The following ADK variants were observed in gnomAD, a reference collection of about 807,000 sequenced individuals.
ADK encodes N6,N6-dimethyladenosine kinase.
In ADK, 24 loss-of-function variants were observed where a neutral mutation model predicts 44.7. That is an observed-to-expected ratio of 0.54 (90% CI 0.39 to 0.76). ADK has a LOEUF of 0.76. ADK is among the 30% of genes least tolerant of loss of function. The pLI is 0.00. For missense variants in ADK, 321 were observed against 425.1 expected (o/e 0.76, Z 2.15); for synonymous variants, 128 against 142.6 (o/e 0.90, Z 0.73).
chr10:74,293,759 A>G (rs1839711323), intron 3 of ADK, among the ~76,000 whole-genome samples: 1 of 152,226 alleles, frequency 6.6e-6, no homozygotes, highest in Admixed American at 6.5e-5. Context: ...GCATTTGCCA[A>G]AATTCATCAT....
intron 4 of ADK, chr10:74,371,593 C>A: frequency 8.6e-7 from 1 of 1,160,560 alleles, no homozygotes; most frequent in Non-Finnish European, 1.3e-6. Context: ...AAGTTCCTTG[C>A]AGCAGGAACC....
chr10:74,541,792 A>ACC (rs1172991136), intron 7 of ADK, among the ~76,000 whole-genome samples: 3,675 of 28,608 alleles, frequency 0.13, 24 homozygotes, highest in Non-Finnish European at 0.16. Flanking sequence ...GAACCCCCAC[A>ACC]CACCCCCCCC....
At chr10:74,256,505 T>C (rs1200954515) in intron 3 of ADK, among the ~76,000 whole-genome samples, 2 of 152,118 alleles carry the variant, frequency 1.3e-5, no homozygotes, top group Non-Finnish European at 2.9e-5. Flanking sequence ...GATTTAAACT[T>C]TTTGAAGGGT....
intron 3 of ADK, among the ~76,000 whole-genome samples, chr10:74,252,772 C>G (rs1326721766): frequency 6.6e-6 from 1 of 152,174 alleles, no homozygotes; most frequent in Admixed American, 6.5e-5. Flanking sequence ...GAATCTCAAG[C>G]AATGTGTTAA....
At chr10:74,360,443 A>T (rs1842297192) in intron 4 of ADK, among the ~76,000 whole-genome samples, 1 of 151,984 alleles carries the variant, frequency 6.6e-6, no homozygotes, top group Non-Finnish European at 1.5e-5. Context: ...GTGTTTGTTG[A>T]TTTTCTGTTG....
At chr10:74,356,002 A>ATATTGTT (rs57958159) in intron 4 of ADK, among the ~76,000 whole-genome samples, 1,178 of 83,250 alleles carry the variant, frequency 0.014, 106 homozygotes, top group African/African-American at 0.052. Flanking sequence ...TAAATAATTC[A>ATATTGTT]TTTTTTTTTT....
At chr10:74,221,975 A>T (rs376154526) in intron 2 of ADK, among the ~76,000 whole-genome samples, 8 of 152,224 alleles carry the variant, frequency 5.3e-5, no homozygotes, top group Admixed American at 2.0e-4. Flanking sequence ...GGACTTCATG[A>T]CTAAAACACC....
chr10:74,364,580 T>C (rs1262878248), intron 4 of ADK, among the ~76,000 whole-genome samples: 3 of 152,186 alleles, frequency 2.0e-5, no homozygotes, highest in African/African-American at 7.2e-5. Flanking sequence ...CTCAGGTTTT[T>C]CTTCTTTTCT....
chr10:74,361,666 A>G (rs528107611), intron 4 of ADK, among the ~76,000 whole-genome samples: 4 of 152,198 alleles, frequency 2.6e-5, no homozygotes, highest in Non-Finnish European at 5.9e-5. Flanking sequence ...AAACACTGCA[A>G]ATACAATATT....
intron 6 of ADK, among the ~76,000 whole-genome samples, chr10:74,473,456 T>C (rs897797473): frequency 2.0e-5 from 3 of 152,238 alleles, no homozygotes; most frequent in Admixed American, 6.5e-5. Context: ...GTCCTTTTTC[T>C]GTTCCAGGAT....
At chr10:74,584,554 T>C (rs891514103) in intron 7 of ADK, among the ~76,000 whole-genome samples, 1 of 152,218 alleles carries the variant, frequency 6.6e-6, no homozygotes, top group Non-Finnish European at 1.5e-5. Flanking sequence ...ATTATATGAA[T>C]TTTTATTATA....
intron 9 of ADK, among the ~76,000 whole-genome samples, chr10:74,646,867 G>A (rs1381820141): frequency 6.6e-6 from 1 of 152,162 alleles, no homozygotes; most frequent in Non-Finnish European, 1.5e-5. Context: ...TGTAAGACAA[G>A]AGCTGGCTAG....
At chr10:74,356,390 AC>A (rs1307482371) in intron 4 of ADK, among the ~76,000 whole-genome samples, 1 of 152,190 alleles carries the variant, frequency 6.6e-6, no homozygotes, top group East Asian at 1.9e-4. Context: ...GTTGTGACCA[AC>A]TACAGTTCAC....
intron 8 of ADK, among the ~76,000 whole-genome samples, chr10:74,595,101 A>G (rs1173188247): frequency 6.9e-6 from 1 of 145,306 alleles, no homozygotes; most frequent in Non-Finnish European, 1.5e-5. Flanking sequence ...TGCTTGAACC[A>G]GGATGTGGAG....
At chr10:74,601,742 G>T (rs180975543) in intron 9 of ADK, among the ~76,000 whole-genome samples, 1 of 151,746 alleles carries the variant, frequency 6.6e-6, no homozygotes, top group African/African-American at 2.4e-5. Flanking sequence ...ATGTTGAGTG[G>T]CTTTCCCAAG....
At chr10:74,410,026 A>C (rs139651584) in intron 6 of ADK, among the ~76,000 whole-genome samples, 1 of 152,198 alleles carries the variant, frequency 6.6e-6, no homozygotes, top group African/African-American at 2.4e-5. Context: ...AGTGTGATAA[A>C]TTATAAGAAA....
chr10:74,212,294 T>A (rs1389099799), intron 2 of ADK, among the ~76,000 whole-genome samples: 1 of 152,250 alleles, frequency 6.6e-6, no homozygotes, highest in Non-Finnish European at 1.5e-5. Flanking sequence ...GATTCTTTTT[T>A]AACAGTTCAT....
At chr10:74,607,036 G>C (rs1250637790) in intron 9 of ADK, among the ~76,000 whole-genome samples, 1 of 152,024 alleles carries the variant, frequency 6.6e-6, no homozygotes, top group Non-Finnish European at 1.5e-5. Flanking sequence ...TGTTTTATCG[G>C]AGACTAGGAT....
chr10:74,546,985 A>G (rs1459470256), intron 7 of ADK, among the ~76,000 whole-genome samples: 1 of 152,180 alleles, frequency 6.6e-6, no homozygotes, highest in African/African-American at 2.4e-5. Context: ...TAACTACTCT[A>G]TAATTTTTCC....
Sources: allele counts gnomAD v4.1 joint callset (sites outside exome capture counted in the v4.1 genomes callset), GRCh38; gene constraint gnomAD v4.1.1; transcripts MANE v1.5; gene names NCBI Gene and HGNC (gene_info 2026-07-23, HGNC 2026-07-21).